The following ZNF407 variants were observed in gnomAD, a reference collection of about 807,000 sequenced individuals.
The protein encoded by ZNF407 is zinc finger protein 407.
In ZNF407, 17 loss-of-function variants were observed where a neutral mutation model predicts 131.2. The observed-to-expected ratio is 0.13, with a 90% CI of 0.09 to 0.19. The LOEUF is 0.19. Among genes scored for constraint, ZNF407 ranks in the 10% least tolerant of loss-of-function variants. The pLI is 1.00. For missense variants in ZNF407, 2,681 were observed against 2,830.6 expected (o/e 0.95, Z 1.20); for synonymous variants, 1,156 against 1,062.0 (o/e 1.09, Z -1.72).
chr18:74,818,019 TC>T (rs945639614), intron 4 of ZNF407, among the ~76,000 whole-genome samples: 2 of 152,216 alleles, frequency 1.3e-5, no homozygotes, highest in African/African-American at 4.8e-5. Context: ...CATGACCAGA[TC>T]TTTTGAAGTA....
At chr18:74,599,930 C>T (rs1320633347) in intron 1 of ZNF407, among the ~76,000 whole-genome samples, 1 of 152,188 alleles carries the variant, frequency 6.6e-6, no homozygotes, top group Non-Finnish European at 1.5e-5. Context: ...TAGGAATGCA[C>T]TGTGGTCCTC....
At chr18:74,738,430 A>G (rs1404548737) in intron 3 of ZNF407, among the ~76,000 whole-genome samples, 2 of 143,878 alleles carry the variant, frequency 1.4e-5, no homozygotes, top group South Asian at 2.2e-4. Context: ...AAGAAAAAAA[A>G]AAAAAAAAAA....
intron 3 of ZNF407, among the ~76,000 whole-genome samples, chr18:74,689,196 T>A (rs529935266): frequency 1.3e-5 from 2 of 152,322 alleles, no homozygotes; most frequent in Admixed American, 6.5e-5. Flanking sequence ...TGCATACAGA[T>A]CTTGCACATA....
intron 3 of ZNF407, among the ~76,000 whole-genome samples, chr18:74,657,438 G>A (rs929733629): frequency 2.0e-5 from 3 of 152,024 alleles, no homozygotes; most frequent in African/African-American, 7.2e-5. Flanking sequence ...GCATTATTGT[G>A]TAGGGAAAAA....
intron 1 of ZNF407, among the ~76,000 whole-genome samples, chr18:74,606,080 G>T (rs1439939660): frequency 6.6e-6 from 1 of 152,214 alleles, no homozygotes; most frequent in African/African-American, 2.4e-5. Flanking sequence ...ATCACTAGCG[G>T]CGGGCCTGGG....
chr18:74,763,415 G>A (rs565863243), intron 3 of ZNF407, among the ~76,000 whole-genome samples: 118 of 151,224 alleles, frequency 7.8e-4, no homozygotes, highest in African/African-American at 2.8e-3. Context: ...TAGAAGGGGA[G>A]AATTAAAAAA....
chr18:74,878,863 T>A, intron 5 of ZNF407, among the ~76,000 whole-genome samples: 1 of 139,128 alleles, frequency 7.2e-6, no homozygotes, highest in Admixed American at 7.4e-5. Context: ...TGGCTGCTGA[T>A]CAAACCTAAC....
intron 8 of ZNF407, among the ~76,000 whole-genome samples, chr18:75,037,002 G>A (rs919914655): frequency 6.6e-6 from 1 of 152,184 alleles, no homozygotes; most frequent in Non-Finnish European, 1.5e-5. Context: ...GCATCAATCA[G>A]TCCATCTGGG....
At chr18:74,829,416 G>A (rs1003003546) in intron 4 of ZNF407, among the ~76,000 whole-genome samples, 4 of 152,114 alleles carry the variant, frequency 2.6e-5, no homozygotes, top group African/African-American at 9.7e-5. Flanking sequence ...TGAATCCATC[G>A]TAACCTTACC....
chr18:74,932,673 C>T (rs1971996009), intron 8 of ZNF407, among the ~76,000 whole-genome samples: 1 of 152,134 alleles, frequency 6.6e-6, no homozygotes. Flanking sequence ...AATTATTATT[C>T]TTCAATTCTT....
rs1307945308 is a variant in ZNF407 at position 74,641,076 on chromosome 18, G to A, written c.4756G>A (p.Val1586Met). The change falls in exon 3 of 9, where the codon GTG becomes ATG. Residue 1586 changes from valine (V) to methionine (M), a missense_variant. By Grantham distance (21) the Val-to-Met change is conservative. Around this residue, in one of 6 missense-constraint regions of ZNF407, gnomAD observed 213 missense variants for 332.2 expected, o/e 0.64. Transcript: ENST00000299687. ...TAQLGDARNH[V>M]KRHLGMREYK... Reference sequence around the variant, plus strand: ...TCAGCTTGGAGATGCCAGAAACCATGTGAAAAGGCACCTTGGGATGAGGGA... The same window carrying A: ...TCAGCTTGGAGATGCCAGAAACCATATGAAAAGGCACCTTGGGATGAGGGA... 6.2e-7 allele frequency: 1 copy of A among 1,613,298 alleles called. No individual in the cohort carries two copies. The highest frequency in any genetic ancestry group is 8.5e-7 in the Non-Finnish European group (1 of 1,179,482).
intron 8 of ZNF407, among the ~76,000 whole-genome samples, chr18:75,043,840 G>C (rs1376452945): frequency 1.3e-5 from 2 of 152,268 alleles, no homozygotes; most frequent in East Asian, 3.9e-4. Flanking sequence ...GTCCAACTGA[G>C]GACATATAAT....
intron 7 of ZNF407, among the ~76,000 whole-genome samples, chr18:74,915,923 C>T (rs866898036): frequency 2.8e-3 from 3 of 1,060 alleles, no homozygotes; most frequent in African/African-American, 0.019. Context: ...TGTGTGTGTG[C>T]GTGCATGTGT....
intron 5 of ZNF407, among the ~76,000 whole-genome samples, chr18:74,878,054 G>C (rs1476758340): frequency 1.3e-5 from 2 of 152,204 alleles, no homozygotes; most frequent in African/African-American, 2.4e-5. Context: ...TACATCTTTG[G>C]TAGGGGTGGT....
rs1227377672 is a variant in ZNF407 at position 74,766,389 on chromosome 18, T to C, written c.4803-15039T>C. On this transcript the variant is annotated intron_variant, in intron 3 of 8. Transcript: ENST00000299687. ...GGTTCAGGAGTCAGAGAAGCTGATG[T>C]AGAAGCTTTCCCAGGATTGTGGAGA... 2.0e-5 allele frequency among the ~76,000 whole-genome samples: 3 copies of C among 152,204 alleles called. No homozygotes were observed. In the East Asian group the frequency reaches 5.8e-4, roughly 29 times the overall value.
At chr18:74,622,687 T>C (rs1331087660) in intron 1 of ZNF407, among the ~76,000 whole-genome samples, 1 of 152,078 alleles carries the variant, frequency 6.6e-6, no homozygotes, top group African/African-American at 2.4e-5. Flanking sequence ...GTGATGGGGC[T>C]GGATGGGAGA....
intron 8 of ZNF407, among the ~76,000 whole-genome samples, chr18:74,945,158 T>G (rs1972141247): frequency 6.6e-6 from 1 of 152,176 alleles, no homozygotes; most frequent in Non-Finnish European, 1.5e-5. Context: ...GCCTTATCTT[T>G]AAGACCCTGG....
At position 74,905,258 on chromosome 18, in the gene ZNF407, C is replaced by T. The variant is rs999479116; in HGVS notation, c.5249+15220C>T. ...TAACCTATATACTTTCCATATAAAC[C>T]GAAGCAGTAATCAGGTTTAAATTAT... On this transcript the variant is annotated intron_variant, in intron 7 of 8. Coordinates refer to ENST00000299687, the MANE Select transcript of ZNF407 (RefSeq NM_017757.3). The T allele has an allele frequency of 2.0e-5, 3 of 152,196 alleles. No individual in the cohort carries two copies. The South Asian group carries it at 6.2e-4, about 32-fold the overall frequency. The allele number at this position is 152,196 out of a possible 1,614,324, so 9.4% of individuals were successfully genotyped here.
At chr18:74,672,238 A>G (rs981961131) in intron 3 of ZNF407, among the ~76,000 whole-genome samples, 4 of 152,164 alleles carry the variant, frequency 2.6e-5, no homozygotes, top group African/African-American at 9.7e-5. Flanking sequence ...TGTTTAATAC[A>G]GTTATTTGAC....
Sources: allele counts gnomAD v4.1 joint callset (sites outside exome capture counted in the v4.1 genomes callset), GRCh38; gene constraint gnomAD v4.1.1; regional missense constraint gnomAD v4.1.1; transcripts MANE v1.5; gene names NCBI Gene and HGNC (gene_info 2026-07-23, HGNC 2026-07-21).